The following ATP1B3 variants were observed in gnomAD, a reference collection of about 807,000 sequenced individuals.
The protein encoded by ATP1B3 is ATPase Na+/K+ transporting subunit beta 3.
Under a neutral mutation model 30.2 loss-of-function variants are expected in ATP1B3, and 10 were observed. That is an observed-to-expected ratio of 0.33 (90% confidence interval 0.20 to 0.56). ATP1B3 has a LOEUF of 0.56. Ranked by LOEUF, ATP1B3 falls within the 20% of genes least tolerant of loss-of-function variation. ATP1B3 has a pLI of 0.90. For synonymous variants in ATP1B3, 113 were observed against 117.0 expected (o/e 0.97, Z 0.22); for missense variants, 238 against 336.7 (o/e 0.71, Z 2.29).
intron 1 of ATP1B3, among the ~76,000 whole-genome samples, chr3:141,892,879 A>AT (rs2107768025): frequency 6.6e-6 from 1 of 152,236 alleles, no homozygotes; most frequent in East Asian, 1.9e-4. Flanking sequence ...CTGGAATTGT[A>AT]TACCTGAAAT....
At chr3:141,925,224 T>A (rs758613329) in intron 6 of ATP1B3, among the ~76,000 whole-genome samples, 1 of 152,110 alleles carries the variant, frequency 6.6e-6, no homozygotes, top group African/African-American at 2.4e-5. Flanking sequence ...CCCAGCACTT[T>A]GGGAGGGTGA....
At chr3:141,878,667 C>T (rs1182224243) in intron 1 of ATP1B3, among the ~76,000 whole-genome samples, 1 of 152,128 alleles carries the variant, frequency 6.6e-6, no homozygotes, top group African/African-American at 2.4e-5. Context: ...AAATAGAGAG[C>T]AATGTGTAAG....
At chr3:141,893,640 A>G (rs770878006) in intron 1 of ATP1B3, among the ~76,000 whole-genome samples, 4 of 152,184 alleles carry the variant, frequency 2.6e-5, no homozygotes, top group African/African-American at 9.7e-5. Context: ...ATTGAGGTAT[A>G]ATTAACATAC....
intron 1 of ATP1B3, among the ~76,000 whole-genome samples, chr3:141,896,055 A>T (rs548504896): frequency 1.2e-4 from 18 of 152,258 alleles, no homozygotes; most frequent in African/African-American, 4.3e-4. Flanking sequence ...TGCCTGCTTC[A>T]AAAAATGTGT....
chr3:141,906,473 C>T (rs531622772), intron 2 of ATP1B3, among the ~76,000 whole-genome samples: 50 of 152,306 alleles, frequency 3.3e-4, no homozygotes, highest in Admixed American at 1.1e-3. Context: ...AACCACTGCA[C>T]GCAGCTGATC....
chr3:141,917,475 C>A (rs1934486990), intron 5 of ATP1B3, among the ~76,000 whole-genome samples: 1 of 151,880 alleles, frequency 6.6e-6, no homozygotes, highest in Admixed American at 6.5e-5. Flanking sequence ...GCAGGCAGAT[C>A]ACGAGGTCAA....
At chr3:141,883,422 G>T (rs1262100672) in intron 1 of ATP1B3, among the ~76,000 whole-genome samples, 9 of 152,162 alleles carry the variant, frequency 5.9e-5, no homozygotes, top group Admixed American at 5.9e-4. Context: ...GGAGGCTGAG[G>T]TGGGAGGATC....
At chr3:141,882,579 A>G (rs1933748819) in intron 1 of ATP1B3, among the ~76,000 whole-genome samples, 1 of 151,648 alleles carries the variant, frequency 6.6e-6, no homozygotes, top group Non-Finnish European at 1.5e-5. Flanking sequence ...TAATCATACA[A>G]TTTTGTTTTG....
chr3:141,892,651 CAAAAAAAAA>C (rs386398103), intron 1 of ATP1B3, among the ~76,000 whole-genome samples: 13,158 of 70,494 alleles, frequency 0.19, 642 homozygotes, highest in Middle Eastern at 0.33. Context: ...GAGACTGTCT[CAAAAAAAAA>C]AAAAAAAAAA....
rs1347675711 is a variant in ATP1B3, at chr3:141,878,986, A to G, written c.109+2076A>G. Among the ~76,000 whole-genome samples the G allele has an allele frequency of 5.9e-5, 9 of 152,166 alleles. No individual in the cohort carries two copies. The South Asian group carries it at 1.0e-3, about 18-fold the overall frequency. On this transcript the variant is annotated intron_variant, in intron 1 of 6. Coordinates refer to ENST00000286371, the MANE Select transcript of ATP1B3 (RefSeq NM_001679.4). ...GGGCACCTTGTTCTAATTCTTGCAA[A>G]GGCAGGATCAGTTTGGAGAGCTCTG... is the stretch of plus-strand genomic sequence containing the variant.
chr3:141,882,579 ATTTTG>A (rs975815425), intron 1 of ATP1B3, among the ~76,000 whole-genome samples: 1 of 151,648 alleles, frequency 6.6e-6, no homozygotes, highest in Non-Finnish European at 1.5e-5. Flanking sequence ...TAATCATACA[ATTTTG>A]TTTTGTTTTG....
chr3:141,916,750 T>G (rs1044671203), intron 5 of ATP1B3, among the ~76,000 whole-genome samples: 2 of 152,216 alleles, frequency 1.3e-5, no homozygotes, highest in Non-Finnish European at 2.9e-5. Context: ...GGGCAGAAAC[T>G]TCTTGCTCAG....
intron 1 of ATP1B3, among the ~76,000 whole-genome samples, chr3:141,894,660 G>A (rs1368589810): frequency 2.6e-5 from 4 of 152,010 alleles, no homozygotes; most frequent in East Asian, 1.9e-4. Context: ...CAGTATCACC[G>A]TCTTCCACCT....
intron 1 of ATP1B3, among the ~76,000 whole-genome samples, chr3:141,891,449 CCT>C (rs993174562): frequency 3.9e-5 from 6 of 152,122 alleles, no homozygotes; most frequent in Admixed American, 3.3e-4. Flanking sequence ...CTGGGGTAAA[CCT>C]CTTTTTTGTA....
At chr3:141,916,485 C>A in intron 5 of ATP1B3, 1 of 1,108,520 alleles carries the variant, frequency 9.0e-7, no homozygotes, top group Middle Eastern at 2.3e-4. Context: ...ACTTTTTTTT[C>A]CAGAATACTG....
At chr3:141,911,340 T>G (rs1934356410) in intron 3 of ATP1B3, among the ~76,000 whole-genome samples, 1 of 152,144 alleles carries the variant, frequency 6.6e-6, no homozygotes, top group Non-Finnish European at 1.5e-5. Context: ...TGCCCTCCTT[T>G]TTCATGTTTG....
At chr3:141,900,048 T>G (rs1034428565) in intron 1 of ATP1B3, among the ~76,000 whole-genome samples, 1 of 152,020 alleles carries the variant, frequency 6.6e-6, no homozygotes, top group African/African-American at 2.4e-5. Context: ...AAATTTTTTT[T>G]TTGTTTGATG....
chr3:141,887,601 T>C (rs987072629), intron 1 of ATP1B3, among the ~76,000 whole-genome samples: 1 of 152,166 alleles, frequency 6.6e-6, no homozygotes, highest in Non-Finnish European at 1.5e-5. Flanking sequence ...CACAAAATGC[T>C]CTTGTACAAA....
Position 141,893,242 on chromosome 3 carries a change from C to T in ATP1B3, c.110-10378C>T, listed in dbSNP as rs111246844. On this transcript the variant is annotated intron_variant, in intron 1 of 6. Transcript: ENST00000286371. ...CAAGCTGGTCTCGAACTCCTGATCT[C>T]AAGCTATCCACCCGCCTTGGCCTCC... 6.9e-3 allele frequency among the ~76,000 whole-genome samples: 1,050 copies of T among 152,270 alleles called. 11 individuals carry two copies. Among genetic ancestry groups the T allele is most frequent in the African/African-American group, 0.024 (992 of 41,538 alleles).
Sources: gnomAD v4.1 joint callset for allele counts (sites outside exome capture counted in the v4.1 genomes callset) on GRCh38, gnomAD v4.1.1 for gene constraint, MANE v1.5 for transcripts, NCBI Gene and HGNC (gene_info 2026-07-23, HGNC 2026-07-21) for gene names.